Variants in DLGAP1 observed in about 807,000 individuals in gnomAD.
The protein encoded by DLGAP1 is DLG associated protein 1.
DLGAP1 carries 11 observed loss-of-function variants against 90.8 expected under a neutral mutation model. The observed-to-expected ratio is 0.12, with a 90% confidence interval of 0.08 to 0.20. The LOEUF (loss-of-function observed/expected upper bound fraction) is 0.20, where lower values mean the gene tolerates loss of function less well. Ranked by LOEUF, DLGAP1 falls within the 10% of genes least tolerant of loss-of-function variation. DLGAP1 has a pLI of 1.00. For synonymous variants in DLGAP1, 558 were observed against 540.7 expected, an observed-to-expected ratio of 1.03 and a Z score of -0.44; for missense variants, 1,050 against 1,333.8, an observed-to-expected ratio of 0.79 and a Z score of 3.31.
At chr18:3,907,172 AC>A (rs5822773) in intron 3 of DLGAP1, among the ~76,000 whole-genome samples, 64,140 of 151,914 alleles carry the variant, frequency 0.42, 13,903 homozygotes, top group Admixed American at 0.5. Flanking sequence ...TGGGACCAAT[AC>A]CCCCCCAAAT....
At chr18:4,250,936 C>T (rs201240748) in intron 1 of DLGAP1, among the ~76,000 whole-genome samples, 1 of 151,252 alleles carries the variant, frequency 6.6e-6, no homozygotes, top group Non-Finnish European at 1.5e-5. Flanking sequence ...AAAAACCCCA[C>T]AAAAAACAGC....
At chr18:4,427,431 G>A (rs2083181363) in intron 1 of DLGAP1, among the ~76,000 whole-genome samples, 1 of 152,144 alleles carries the variant, frequency 6.6e-6, no homozygotes, top group South Asian at 2.1e-4. Context: ...CAGAAGTTTG[G>A]GAATCCACAT....
At chr18:4,112,971 G>C (rs1480251737) in intron 2 of DLGAP1, among the ~76,000 whole-genome samples, 3 of 151,970 alleles carry the variant, frequency 2.0e-5, no homozygotes, top group East Asian at 3.9e-4. Flanking sequence ...GTAGTATTCT[G>C]TGGTATGTAT....
chr18:4,097,270 G>C (rs2075698467), intron 2 of DLGAP1, among the ~76,000 whole-genome samples: 1 of 152,162 alleles, frequency 6.6e-6, no homozygotes, highest in Non-Finnish European at 1.5e-5. Context: ...CCTTGAACTT[G>C]CTCTGTTCTT....
intron 1 of DLGAP1, among the ~76,000 whole-genome samples, chr18:4,450,401 T>TAA (rs2144904112): frequency 6.6e-6 from 1 of 152,292 alleles, no homozygotes; most frequent in African/African-American, 2.4e-5. Flanking sequence ...CAAGTTACTC[T>TAA]AGCAGATGTT....
At chr18:4,064,783 T>C (rs2075348417) in intron 2 of DLGAP1, among the ~76,000 whole-genome samples, 10 of 152,006 alleles carry the variant, frequency 6.6e-5, no homozygotes. Flanking sequence ...GCCAGTATAT[T>C]CCTACTAAAA....
chr18:4,357,996 G>A (rs1004013452), intron 1 of DLGAP1, among the ~76,000 whole-genome samples: 1 of 152,178 alleles, frequency 6.6e-6, no homozygotes, highest in Non-Finnish European at 1.5e-5. Context: ...CCCAAGGCTG[G>A]AGCTTATAAC....
At chr18:3,518,763 G>T (rs642466) in intron 10 of DLGAP1, among the ~76,000 whole-genome samples, 96,713 of 151,986 alleles carry the variant, frequency 0.64, 31,260 homozygotes, top group East Asian at 0.76. Context: ...ACGTGAGAAT[G>T]CAGTAGGAAT....
chr18:3,614,461 C>T (rs1046010173), intron 7 of DLGAP1, among the ~76,000 whole-genome samples: 3 of 152,132 alleles, frequency 2.0e-5, no homozygotes, highest in Non-Finnish European at 2.9e-5. Flanking sequence ...CCCTCTCAAC[C>T]ATCCCCAAAA....
Position 4,441,273 on chromosome 18 carries a change from AAAG to A in DLGAP1, c.-267+13730_-267+13732del, listed in dbSNP as rs534240227. 5.6e-4 allele frequency among the ~76,000 whole-genome samples: 85 copies of A among 152,314 alleles called. 1 individual carries two copies. In the South Asian group the frequency reaches 0.017, roughly 31 times the overall value. On this transcript the variant is annotated intron_variant, in intron 1 of 12. Coordinates refer to ENST00000315677, the MANE Select transcript of DLGAP1 (RefSeq NM_004746.4). ...CTAGCAGTGACAGATCGTTTCTTGG[AAAG>A]AAGAGACTGATTCTCTCCAGGGCAA...
intron 1 of DLGAP1, among the ~76,000 whole-genome samples, chr18:4,391,054 A>T (rs2082330864): frequency 6.6e-6 from 1 of 152,212 alleles, no homozygotes; most frequent in Admixed American, 6.5e-5. Flanking sequence ...ACATATAATC[A>T]AGTCCAGTGT....
At chr18:4,130,217 ATACAGACAGGTAACTATCTCC>A (rs1299875926) in intron 2 of DLGAP1, among the ~76,000 whole-genome samples, 2 of 152,186 alleles carry the variant, frequency 1.3e-5, no homozygotes, top group Non-Finnish European at 2.9e-5. Flanking sequence ...CTTTTCAGTT[ATACAGACAGGTAACTATCTCC>A]TATTTCCCAA....
At chr18:4,067,447 A>G (rs1041979612) in intron 2 of DLGAP1, among the ~76,000 whole-genome samples, 2 of 152,094 alleles carry the variant, frequency 1.3e-5, no homozygotes, top group Non-Finnish European at 2.9e-5. Context: ...GACATACCTC[A>G]TTATATACTT....
intron 1 of DLGAP1, among the ~76,000 whole-genome samples, chr18:4,266,160 A>G (rs1247894765): frequency 2.6e-5 from 4 of 152,212 alleles, no homozygotes; most frequent in Non-Finnish European, 2.9e-5. Flanking sequence ...TTCAAAATAA[A>G]TTATATTGAA....
At chr18:4,015,600 C>CT (rs1251892123) in intron 2 of DLGAP1, among the ~76,000 whole-genome samples, 3 of 152,252 alleles carry the variant, frequency 2.0e-5, no homozygotes, top group African/African-American at 4.8e-5. Context: ...CCTGCCTTCA[C>CT]TTTTTTTGTC....
rs11457362 is a variant in DLGAP1 at position 4,003,437 on chromosome 18, GT to G, written c.-73+1678del. Among the ~76,000 whole-genome samples the G allele has an allele frequency of 1.0e-3, 133 of 130,364 alleles. No homozygotes were observed. The Middle Eastern group carries it at 0.017, about 17-fold the overall frequency. The allele number at this position is 130,364 out of a possible 152,430, so 85.5% of individuals were successfully genotyped here. A position where few individuals can be genotyped will look rare whatever the true frequency, so the allele number is the denominator to read the frequency against. ...TCTTTTTCAGGTGCTTAATATCATT[GT>G]TTTTTTTTTTTTTTTTGGAAGTTAA... is the stretch of plus-strand genomic sequence containing the variant. On this transcript the variant is annotated intron_variant, in intron 3 of 12. Transcript: ENST00000315677.
intron 1 of DLGAP1, among the ~76,000 whole-genome samples, chr18:4,429,611 G>C (rs1414316458): frequency 6.6e-6 from 1 of 152,198 alleles, no homozygotes; most frequent in Admixed American, 6.5e-5. Context: ...CACTGGGGAT[G>C]CTTCTTTACC....
intron 2 of DLGAP1, among the ~76,000 whole-genome samples, chr18:4,144,237 G>C (rs1326511744): frequency 3.3e-5 from 5 of 152,180 alleles, no homozygotes; most frequent in African/African-American, 4.8e-5. Context: ...TAGAACCCCA[G>C]AGCACTTTAG....
At position 3,742,465 on chromosome 18, in the gene DLGAP1, T is replaced by A. The variant is rs751709061; in HGVS notation, c.1220A>T (p.Tyr407Phe). 6.2e-7 allele frequency: 1 copy of A among 1,614,144 alleles called. No homozygotes were observed. Among genetic ancestry groups the A allele is most frequent in the Admixed American group, 1.7e-5 (1 of 60,014 alleles). ...SPKLQIRSHSYLRAVSEVSIN... is the reference protein window; with the variant it reads ...SPKLQIRSHSFLRAVSEVSIN... ...GGAGACTTCACTCACTGCCCTCAGGTAACTATGACTCCGGATCTGGAGTTT... is the reference window on the plus strand; with the variant it reads ...GGAGACTTCACTCACTGCCCTCAGGAAACTATGACTCCGGATCTGGAGTTT... Residue 407 changes from tyrosine to phenylalanine, a missense_variant, in exon 6 of 13, where the codon TAC becomes TTC. Tyr to Phe is a conservative substitution (Grantham distance 22). Around this residue, in one of 2 missense-constraint regions of DLGAP1, gnomAD observed 565 missense variants for 879.7 expected, o/e 0.64. Coordinates refer to ENST00000315677, the MANE Select transcript of DLGAP1 (RefSeq NM_004746.4).
Sources: gnomAD v4.1 joint callset for allele counts (sites outside exome capture counted in the v4.1 genomes callset) on GRCh38, gnomAD v4.1.1 for gene constraint, gnomAD v4.1.1 regional missense constraint, MANE v1.5 for transcripts, NCBI Gene and HGNC (gene_info 2026-07-23, HGNC 2026-07-21) for gene names.